Variants in ENOX1 observed in about 807,000 individuals in gnomAD.
ENOX1 encodes ecto-NOX disulfide-thiol exchanger 1.
In ENOX1, 42 loss-of-function variants were observed where a neutral mutation model predicts 82.5. That is an observed-to-expected ratio of 0.51 (90% CI 0.40 to 0.66). The LOEUF (loss-of-function observed/expected upper bound fraction) is 0.66, where lower values mean the gene tolerates loss of function less well. ENOX1 is among the 30% of genes least tolerant of loss of function. The pLI is 0.00. For missense variants in ENOX1, 608 were observed against 811.6 expected (o/e 0.75, Z 3.05); for synonymous variants, 271 against 282.2 (o/e 0.96, Z 0.40).
At chr13:43,545,357 C>T (rs2078929919) in intron 2 of ENOX1, 1 of 152,236 alleles carries the variant, frequency 6.6e-6, no homozygotes, top group South Asian at 2.1e-4. Context: ...TTCCAGCTGA[C>T]CCTAGGGTGG....
At chr13:43,357,159 TG>T (rs1299939070) in intron 7 of ENOX1, among the ~76,000 whole-genome samples, 1 of 152,140 alleles carries the variant, frequency 6.6e-6, no homozygotes, top group Non-Finnish European at 1.5e-5. Context: ...ACACAGCTGC[TG>T]GGGGCTGCCA....
At chr13:43,283,070 G>A (rs1222200374) in intron 12 of ENOX1, among the ~76,000 whole-genome samples, 5 of 149,068 alleles carry the variant, frequency 3.4e-5, no homozygotes, top group Admixed American at 6.8e-5. Flanking sequence ...GTGACAGAGC[G>A]AGACTCGGTC....
At chr13:43,606,418 T>C (rs755558922) in intron 2 of ENOX1, among the ~76,000 whole-genome samples, 5 of 151,246 alleles carry the variant, frequency 3.3e-5, no homozygotes, top group Admixed American at 6.6e-5. Flanking sequence ...AACAGACAAA[T>C]GGATAAAGAA....
rs754040736 is a variant in ENOX1 at position 43,355,855 on chromosome 13, C to T, written c.823+64G>A. ...GGGACAATGGTGGACGCAGGAGAAA[C>T]GCACAGGGTTCCGTGTCTGGGGATC... On this transcript the variant is annotated intron_variant, in intron 8 of 16. Transcript: ENST00000690772. 3.7e-4 allele frequency: 540 copies of T among 1,475,124 alleles called. 2 individuals carry two copies. Among genetic ancestry groups the T allele is most frequent in the Non-Finnish European group, 1.9e-4 (201 of 1,075,428 alleles). 91.4% of individuals were successfully genotyped at this position (1,475,124 alleles called of 1,614,324 possible).
chr13:43,402,238 T>C (rs780830741), intron 5 of ENOX1, among the ~76,000 whole-genome samples: 3 of 152,158 alleles, frequency 2.0e-5, no homozygotes, highest in Non-Finnish European at 4.4e-5. Flanking sequence ...GAAAATATAA[T>C]GCTCAATTAT....
intron 2 of ENOX1, among the ~76,000 whole-genome samples, chr13:43,592,792 A>G (rs1156717635): frequency 6.6e-6 from 1 of 152,216 alleles, no homozygotes; most frequent in Non-Finnish European, 1.5e-5. Flanking sequence ...AGGCCCTGAA[A>G]ACACTAATGT....
intron 2 of ENOX1, among the ~76,000 whole-genome samples, chr13:43,592,177 T>G (rs1259570773): frequency 6.6e-6 from 1 of 152,236 alleles, no homozygotes; most frequent in Non-Finnish European, 1.5e-5. Context: ...ATATAAAATG[T>G]GAAAGGAGTC....
chr13:43,225,067 C>A (rs973875083), intron 15 of ENOX1, among the ~76,000 whole-genome samples: 1 of 152,162 alleles, frequency 6.6e-6, no homozygotes, highest in Admixed American at 6.5e-5. Context: ...GTGGTATGAA[C>A]CATGGAATAC....
chr13:43,615,165 T>C (rs1464153484), intron 2 of ENOX1, among the ~76,000 whole-genome samples: 1 of 152,198 alleles, frequency 6.6e-6, no homozygotes, highest in Non-Finnish European at 1.5e-5. Flanking sequence ...ACTATATGTA[T>C]AGGGCCTTGA....
chr13:43,356,456 G>C (rs1220338082), intron 7 of ENOX1, among the ~76,000 whole-genome samples: 1 of 152,118 alleles, frequency 6.6e-6, no homozygotes, highest in African/African-American at 2.4e-5. Context: ...GTCTTATCAT[G>C]ATCATTCCTT....
At chr13:43,594,035 G>A (rs1303585955) in intron 2 of ENOX1, among the ~76,000 whole-genome samples, 6 of 152,100 alleles carry the variant, frequency 3.9e-5, no homozygotes, top group South Asian at 2.1e-4. Flanking sequence ...CATTGTGCTC[G>A]GAGGAGTGAA....
intron 1 of ENOX1, among the ~76,000 whole-genome samples, chr13:43,773,572 A>G (rs568541938): frequency 2.6e-5 from 4 of 152,122 alleles, no homozygotes; most frequent in African/African-American, 9.7e-5. Context: ...GCTTTCACAC[A>G]TCTGGACTTC....
At chr13:43,596,624 T>G (rs942699916) in intron 2 of ENOX1, among the ~76,000 whole-genome samples, 4 of 152,252 alleles carry the variant, frequency 2.6e-5, no homozygotes, top group African/African-American at 9.6e-5. Flanking sequence ...TTTCTGTGTG[T>G]TCAAAATTTA....
chr13:43,237,459 A>G (rs896524811), intron 14 of ENOX1, among the ~76,000 whole-genome samples: 2 of 152,188 alleles, frequency 1.3e-5, no homozygotes, highest in African/African-American at 4.8e-5. Flanking sequence ...CAAATTAATG[A>G]TCTGCATAGA....
chr13:43,308,095 G>C (rs1290192602), intron 11 of ENOX1, among the ~76,000 whole-genome samples: 4 of 152,176 alleles, frequency 2.6e-5, no homozygotes, highest in Admixed American at 6.5e-5. Flanking sequence ...GGTAGAGAAA[G>C]GCAGAGACTC....
intron 2 of ENOX1, among the ~76,000 whole-genome samples, chr13:43,551,583 C>A (rs1195681755): frequency 6.6e-6 from 1 of 152,126 alleles, no homozygotes; most frequent in African/African-American, 2.4e-5. Flanking sequence ...TTAGTCAAAT[C>A]TGATAGTCAT....
intron 12 of ENOX1, among the ~76,000 whole-genome samples, chr13:43,279,718 C>A (rs1389573103): frequency 6.6e-6 from 1 of 152,188 alleles, no homozygotes; most frequent in African/African-American, 2.4e-5. Flanking sequence ...AAAGTGCTGT[C>A]ATTATCCTCT....
At chr13:43,780,640 CAA>C (rs1221572290) in intron 1 of ENOX1, among the ~76,000 whole-genome samples, 2 of 152,186 alleles carry the variant, frequency 1.3e-5, no homozygotes. Context: ...TCCTCCCTCA[CAA>C]AGATTCAACA....
At chr13:43,415,051 C>G (rs1212675112) in intron 3 of ENOX1, among the ~76,000 whole-genome samples, 1 of 152,108 alleles carries the variant, frequency 6.6e-6, no homozygotes, top group Non-Finnish European at 1.5e-5. Context: ...CTACCTAATA[C>G]TTTCATGGCC....
Sources: gnomAD v4.1 joint callset for allele counts (sites outside exome capture counted in the v4.1 genomes callset) on GRCh38, gnomAD v4.1.1 for gene constraint, MANE v1.5 for transcripts, NCBI Gene and HGNC (gene_info 2026-07-23, HGNC 2026-07-21) for gene names.